WFDC9: variants seen among roughly 807,000 people sequenced by gnomAD.
WFDC9 encodes the protein WAP four-disulfide core domain 9, also known as protein WFDC9.
WFDC9 carries 9 observed loss-of-function variants against 9.5 expected under a neutral mutation model. That is an observed-to-expected ratio of 0.95 (90% confidence interval 0.57 to 1.65). WFDC9 has a LOEUF of 1.65. Ranked by LOEUF, WFDC9 falls within the 40% of genes most tolerant of loss-of-function variation. The pLI, the probability that WFDC9 is intolerant of heterozygous loss-of-function variation, is 0.00. For synonymous variants in WFDC9, 33 were observed against 32.3 expected (o/e 1.02, Z -0.07); for missense variants, 87 against 106.7 (o/e 0.82, Z 0.81).
At chr20:45,610,070 G>A (rs777937273) in intron 3 of WFDC9, 21 bp downstream of exon 3, 67 of 1,608,160 alleles carry the variant, frequency 4.2e-5, no homozygotes, top group Admixed American at 1.5e-4. Flanking sequence ...AGAGCACCCC[G>A]TCCCTTTTCA....
chr20:45,618,970 T>C (rs1982031569), intron 1 of WFDC9, among the ~76,000 whole-genome samples: 3 of 152,194 alleles, frequency 2.0e-5, no homozygotes, highest in Admixed American at 1.3e-4. Flanking sequence ...AAATGAGATA[T>C]GCCTGTATGT....
At chr20:45,613,238 C>T (rs922659701) in intron 2 of WFDC9, among the ~76,000 whole-genome samples, 1 of 152,180 alleles carries the variant, frequency 6.6e-6, no homozygotes, top group Admixed American at 6.5e-5. Context: ...CAACCTTTGA[C>T]TTCTTGTGTG....
chr20:45,630,900 G>A (rs1484232830), intron 1 of WFDC9: 1 of 1,606,264 alleles, frequency 6.2e-7, no homozygotes, highest in Non-Finnish European at 8.5e-7. Flanking sequence ...ATCAAAGTCT[G>A]CCAGCAGCAG....
intron 1 of WFDC9, among the ~76,000 whole-genome samples, chr20:45,621,256 T>C (rs1982091689): frequency 6.6e-6 from 1 of 152,268 alleles, no homozygotes; most frequent in South Asian, 2.1e-4. Flanking sequence ...CTGTTCCCTT[T>C]AGTTTACCTT....
chr20:45,608,273 A>G (rs1981772653), intron 4 of WFDC9, 133 bp from the exon 5 acceptor site: 2 of 1,062,180 alleles, frequency 1.9e-6, no homozygotes, highest in South Asian at 3.0e-5. Context: ...ACTTTTAAGC[A>G]ATTTCCCCCA....
At position 45,608,016 on chromosome 20, in the gene WFDC9, A is replaced by G; in HGVS notation, c.*94T>C. 1.4e-6 allele frequency: 2 copies of G among 1,401,786 alleles called. No individual in the cohort carries two copies. Among genetic ancestry groups the G allele is most frequent in the Admixed American group, 1.8e-5 (1 of 54,840 alleles). The allele number at this position is 1,401,786 out of a possible 1,614,324, so 86.8% of individuals were successfully genotyped here. A position where few individuals can be genotyped will look rare whatever the true frequency, so the allele number is the denominator to read the frequency against. The stretch of plus-strand genomic sequence containing the variant: ...GGAAATAGCAGAAAGGTTACCAGCT[A>G]GAGCCAGTGGGTGTCCCAAGAAGGA... On this transcript the variant is annotated 3_prime_UTR_variant, in exon 5 of 5. Transcript: ENST00000326000.
chr20:45,608,640 C>T, intron 4 of WFDC9, 23 bp downstream of exon 4: 1 of 1,603,998 alleles, frequency 6.2e-7, no homozygotes, highest in South Asian at 1.1e-5. Flanking sequence ...CAGGCCCTAG[C>T]CTTCCCACCC....
At chr20:45,629,808 A>G in intron 1 of WFDC9, 2 of 1,613,300 alleles carry the variant, frequency 1.2e-6, no homozygotes, top group Non-Finnish European at 1.7e-6. Flanking sequence ...CGATCTGATC[A>G]GAGTCATGGC....
intron 1 of WFDC9, among the ~76,000 whole-genome samples, chr20:45,623,373 C>T (rs1982143358): frequency 6.6e-6 from 1 of 152,148 alleles, no homozygotes; most frequent in African/African-American, 2.4e-5. Flanking sequence ...GGCGTGGTGG[C>T]TCATGCCTGT....
chr20:45,629,641 C>T (rs1348819407), intron 1 of WFDC9: 1 of 748,926 alleles, frequency 1.3e-6, no homozygotes, highest in African/African-American at 1.8e-5. Context: ...ACGACAAGGC[C>T]AGGGGCAAGC....
At chr20:45,631,141 C>G (rs1982360468) in intron 1 of WFDC9, 62 bp downstream of exon 1, 1 of 1,154,624 alleles carries the variant, frequency 8.7e-7, no homozygotes, top group African/African-American at 1.6e-5. Flanking sequence ...ATGCCGCCCT[C>G]TCTACTGTCT....
chr20:45,619,038 G>A (rs544904768), intron 1 of WFDC9, among the ~76,000 whole-genome samples: 3 of 152,176 alleles, frequency 2.0e-5, no homozygotes, highest in Non-Finnish European at 4.4e-5. Context: ...GGCTGAGGAA[G>A]GTGGACCAGT....
intron 1 of WFDC9, among the ~76,000 whole-genome samples, chr20:45,627,524 T>C (rs957856124): frequency 8.7e-6 from 1 of 115,026 alleles, no homozygotes; most frequent in Non-Finnish European, 1.7e-5. Context: ...CAGGTTCTTC[T>C]GTTTCTTTTT....
At chr20:45,625,160 C>T (rs1469870782) in intron 1 of WFDC9, among the ~76,000 whole-genome samples, 2 of 152,144 alleles carry the variant, frequency 1.3e-5, no homozygotes, top group African/African-American at 2.4e-5. Context: ...AAGCAAGGCA[C>T]GTCCTACATG....
At chr20:45,628,553 C>G (rs1982275934) in intron 1 of WFDC9, among the ~76,000 whole-genome samples, 1 of 152,126 alleles carries the variant, frequency 6.6e-6, no homozygotes, top group African/African-American at 2.4e-5. Context: ...CTAAATTGTT[C>G]ATTTATGAGT....
At chr20:45,620,502 G>A (rs943969157) in intron 1 of WFDC9, among the ~76,000 whole-genome samples, 1 of 152,182 alleles carries the variant, frequency 6.6e-6, no homozygotes, top group African/African-American at 2.4e-5. Context: ...TGAGGCATGA[G>A]AATCACTTGA....
intron 1 of WFDC9, among the ~76,000 whole-genome samples, chr20:45,620,473 T>G (rs1269417217): frequency 2.6e-5 from 4 of 152,062 alleles, no homozygotes; most frequent in Non-Finnish European, 5.9e-5. Flanking sequence ...ACACCTGTAA[T>G]CCCAGCTATT....
rs138335721 is a variant in WFDC9, at chr20:45,629,834, G to A, written c.-153+1369C>T. ...GAGTCATGGCACCCCAGACTCTGCTGCCTGTCCTGGTTCTCTGTGTGCTGC... is the reference window on the plus strand; with the variant it reads ...GAGTCATGGCACCCCAGACTCTGCTACCTGTCCTGGTTCTCTGTGTGCTGC... On this transcript the variant is annotated intron_variant, in intron 1 of 4. Coordinates refer to ENST00000326000, the MANE Select transcript of WFDC9 (RefSeq NM_147198.4). The A allele has an allele frequency of 6.4e-4, 1,037 of 1,614,008 alleles. 5 individuals carry two copies. The African/African-American group carries it at 0.012, about 19-fold the overall frequency.
At chr20:45,622,701 C>T (rs76995892) in intron 1 of WFDC9, among the ~76,000 whole-genome samples, 7,808 of 152,156 alleles carry the variant, frequency 0.051, 375 homozygotes, top group East Asian at 0.24. Context: ...CACAACATAG[C>T]CATCAAAATC....
Sources: gnomAD v4.1 joint callset for allele counts (sites outside exome capture counted in the v4.1 genomes callset) on GRCh38, gnomAD v4.1.1 for gene constraint, MANE v1.5 for transcripts, NCBI Gene and HGNC (gene_info 2026-07-23, HGNC 2026-07-21) for gene names.